The following DNAAF9 variants were observed in gnomAD, a reference collection of about 807,000 sequenced individuals.
The protein encoded by DNAAF9 is shulin.
In DNAAF9, 90 loss-of-function variants were observed where a neutral mutation model predicts 167.0. That is an observed-to-expected ratio of 0.54 (90% CI 0.45 to 0.64). The LOEUF (loss-of-function observed/expected upper bound fraction) is 0.64, where lower values mean the gene tolerates loss of function less well. Ranked by LOEUF, DNAAF9 falls within the 30% of genes least tolerant of loss-of-function variation. The pLI is 0.00. For synonymous variants in DNAAF9, 491 were observed against 508.8 expected, an observed-to-expected ratio of 0.96 and a Z score of 0.47; for missense variants, 1,315 against 1,442.2, an observed-to-expected ratio of 0.91 and a Z score of 1.43.
chr20:3,302,158 T>C (rs1476196979), intron 21 of DNAAF9, among the ~76,000 whole-genome samples: 1 of 151,912 alleles, frequency 6.6e-6, no homozygotes, highest in South Asian at 2.1e-4. Context: ...AGGCTGGTCT[T>C]GAACTCCTGA....
At chr20:3,390,420 CGGT>C (rs929597272) in intron 1 of DNAAF9, among the ~76,000 whole-genome samples, 2 of 147,680 alleles carry the variant, frequency 1.4e-5, no homozygotes, top group Admixed American at 6.9e-5. Context: ...GGCTGGAGTG[CGGT>C]GGCACGATCT....
At chr20:3,402,114 C>T (rs1056433518) in intron 1 of DNAAF9, among the ~76,000 whole-genome samples, 1 of 152,126 alleles carries the variant, frequency 6.6e-6, no homozygotes, top group Non-Finnish European at 1.5e-5. Context: ...ATCTATTTTC[C>T]TTCAAAAGGC....
intron 27 of DNAAF9, among the ~76,000 whole-genome samples, chr20:3,285,587 G>A (rs1038225836): frequency 6.7e-6 from 1 of 149,878 alleles, no homozygotes; most frequent in Non-Finnish European, 1.5e-5. Flanking sequence ...GCTGAGGCAC[G>A]AGAATTGCTT....
Position 3,316,710 on chromosome 20 carries a change from G to A in DNAAF9, c.1539+13C>T. On this transcript the variant is annotated intron_variant, in intron 18 of 36. Coordinates refer to ENST00000252032, the MANE Select transcript of DNAAF9 (RefSeq NM_001009984.3). ...ACACGTAGGTCCACTTCCACCTGATGAATGACACTAACCAGCCAGGAGCAG... is the reference window on the plus strand; with the variant it reads ...ACACGTAGGTCCACTTCCACCTGATAAATGACACTAACCAGCCAGGAGCAG... 1 of 1,602,786 alleles carries A rather than the reference G, an allele frequency of 6.2e-7. No individual in the cohort carries two copies.
intron 1 of DNAAF9, among the ~76,000 whole-genome samples, chr20:3,385,268 G>C (rs1216694610): frequency 6.6e-6 from 1 of 152,082 alleles, no homozygotes; most frequent in East Asian, 1.9e-4. Flanking sequence ...TGAAAAGACA[G>C]AAAGAAAACT....
chr20:3,302,030 C>A (rs1408646559), intron 21 of DNAAF9, among the ~76,000 whole-genome samples: 1 of 152,054 alleles, frequency 6.6e-6, no homozygotes, highest in African/African-American at 2.4e-5. Context: ...GCAACCTCCA[C>A]CTCCTGGGTT....
chr20:3,270,593 T>C, intron 29 of DNAAF9, 31 bp from the exon 30 acceptor site: 1 of 1,608,500 alleles, frequency 6.2e-7, no homozygotes, highest in Non-Finnish European at 8.5e-7. Flanking sequence ...AGTTTAGCCT[T>C]CACAGTCCTG....
intron 3 of DNAAF9, 109 bp downstream of exon 3, chr20:3,381,270 G>A: frequency 6.7e-6 from 6 of 890,684 alleles, no homozygotes; most frequent in Non-Finnish European, 9.7e-6. Context: ...CGTTTACTGG[G>A]GCTTTGGACT....
chr20:3,265,335 C>T (rs944234793), intron 30 of DNAAF9, among the ~76,000 whole-genome samples: 4 of 151,994 alleles, frequency 2.6e-5, no homozygotes, highest in African/African-American at 9.7e-5. Flanking sequence ...GAGGCCGAGG[C>T]AGGCGGATCA....
intron 7 of DNAAF9, among the ~76,000 whole-genome samples, chr20:3,356,403 G>A (rs1264195869): frequency 3.9e-5 from 6 of 152,124 alleles, no homozygotes; most frequent in Admixed American, 6.5e-5. Context: ...GGAGAATTAC[G>A]AAATGTGTTC....
At chr20:3,339,011 G>A (rs776305482) in intron 10 of DNAAF9, among the ~76,000 whole-genome samples, 19 of 151,704 alleles carry the variant, frequency 1.3e-4, no homozygotes, top group Admixed American at 3.9e-4. Context: ...ACTCCTGTTC[G>A]GGAATTTTCT....
intron 16 of DNAAF9, among the ~76,000 whole-genome samples, chr20:3,320,802 C>T (rs534154318): frequency 1.3e-4 from 20 of 152,284 alleles, no homozygotes; most frequent in Admixed American, 7.8e-4. Context: ...GATGGGGATG[C>T]GCTTGTACCA....
intron 10 of DNAAF9, among the ~76,000 whole-genome samples, chr20:3,334,820 G>A (rs889335110): frequency 2.6e-5 from 4 of 152,312 alleles, no homozygotes; most frequent in Non-Finnish European, 4.4e-5. Flanking sequence ...GCCCCAGGAT[G>A]ATAAGAAATT....
At chr20:3,298,904 GC>G (rs1347488946) in intron 21 of DNAAF9, among the ~76,000 whole-genome samples, 1 of 138,844 alleles carries the variant, frequency 7.2e-6, no homozygotes, top group African/African-American at 2.8e-5. Flanking sequence ...TATTGTTTTA[GC>G]TCTTTTTTTT....
At chr20:3,293,079 CAA>C (rs202046735) in intron 25 of DNAAF9, among the ~76,000 whole-genome samples, 4 of 133,256 alleles carry the variant, frequency 3.0e-5, no homozygotes, top group Non-Finnish European at 3.3e-5. Flanking sequence ...GAGCAAGACT[CAA>C]AAAAAAAAAA....
chr20:3,363,119 C>T (rs2083383965), intron 6 of DNAAF9, among the ~76,000 whole-genome samples: 2 of 151,802 alleles, frequency 1.3e-5, no homozygotes, highest in Non-Finnish European at 2.9e-5. Flanking sequence ...ATCCCAGCTA[C>T]TCGGGAGGCT....
At chr20:3,405,073 C>A (rs576119638) in intron 1 of DNAAF9, among the ~76,000 whole-genome samples, 1 of 152,216 alleles carries the variant, frequency 6.6e-6, no homozygotes, top group African/African-American at 2.4e-5. Flanking sequence ...AGTATTCCCA[C>A]GCATTTCACT....
intron 10 of DNAAF9, among the ~76,000 whole-genome samples, chr20:3,338,766 C>T (rs1600814886): frequency 6.6e-6 from 1 of 151,610 alleles, no homozygotes; most frequent in Non-Finnish European, 1.5e-5. Context: ...GATTCTCCCA[C>T]CTCAGCCTCC....
At chr20:3,373,688 G>C in intron 6 of DNAAF9, among the ~76,000 whole-genome samples, 1 of 152,154 alleles carries the variant, frequency 6.6e-6, no homozygotes. Context: ...CAAAGACCAG[G>C]GTGGATGGGT....
Sources: gnomAD v4.1 joint callset for allele counts (sites outside exome capture counted in the v4.1 genomes callset) on GRCh38, gnomAD v4.1.1 for gene constraint, MANE v1.5 for transcripts, NCBI Gene and HGNC (gene_info 2026-07-23, HGNC 2026-07-21) for gene names.